FMN2: variants seen among roughly 807,000 people sequenced by gnomAD.
FMN2 encodes formin-2.
FMN2 carries 51 observed loss-of-function variants against 142.3 expected under a neutral mutation model. The observed-to-expected ratio is 0.36, with a 90% CI of 0.29 to 0.45. The LOEUF is 0.45. Ranked by LOEUF, FMN2 falls within the 20% of genes least tolerant of loss-of-function variation. FMN2 has a pLI of 1.00. For missense variants in FMN2, 1,936 were observed against 2,122.8 expected (o/e 0.91, Z 1.73); for synonymous variants, 882 against 869.8 (o/e 1.01, Z -0.25).
intron 1 of FMN2, among the ~76,000 whole-genome samples, chr1:240,095,280 A>C (rs1335576456): frequency 1.3e-5 from 2 of 152,170 alleles, no homozygotes; most frequent in Non-Finnish European, 2.9e-5. Flanking sequence ...TCAATCATTA[A>C]TATTAATGAT....
chr1:240,207,586 C>G lies in FMN2; in HGVS notation c.2774C>G (p.Pro925Arg), dbSNP rs756594203. The change falls in exon 5 of 18, where the codon CCT becomes CGT. Residue 925 changes from proline (P) to arginine (R), a missense_variant. Pro to Arg is a moderately radical substitution (Grantham distance 103). Around this residue, in one of 8 missense-constraint regions of FMN2, gnomAD observed 478 missense variants for 462.8 expected, o/e 1.03. Transcript: ENST00000319653. ...LPGAGIPPPP[P>R]LPGAGILPLP... ...GGAGCGGGCATACCTCCTCCGCCGC[C>G]TCTACCCGGAGCAGGCATACTCCCT... The G allele has an allele frequency of 5.7e-6, 9 of 1,592,634 alleles. No individual in the cohort carries two copies. Among genetic ancestry groups the G allele is most frequent in the Non-Finnish European group, 7.7e-6 (9 of 1,169,392 alleles).
chr1:240,423,977 G>T (rs1047075076), intron 15 of FMN2, among the ~76,000 whole-genome samples: 4 of 152,178 alleles, frequency 2.6e-5, no homozygotes, highest in African/African-American at 9.7e-5. Flanking sequence ...AAACAACTCA[G>T]ATCTGAATCG....
intron 15 of FMN2, among the ~76,000 whole-genome samples, chr1:240,401,733 G>C (rs1336695877): frequency 6.6e-6 from 1 of 152,220 alleles, no homozygotes; most frequent in African/African-American, 2.4e-5. Flanking sequence ...TGTACCAAAA[G>C]AGAAGTTTCC....
At chr1:240,355,703 T>G (rs1672241905) in intron 13 of FMN2, 113 bp from the exon 14 acceptor site, 1 of 640,252 alleles carries the variant, frequency 1.6e-6, no homozygotes, top group Non-Finnish European at 2.8e-6. Context: ...GCAGAACATA[T>G]GCTGATTAGG....
intron 3 of FMN2, among the ~76,000 whole-genome samples, chr1:240,185,404 A>G (rs1324327473): frequency 6.6e-6 from 1 of 152,188 alleles, no homozygotes; most frequent in African/African-American, 2.4e-5. Flanking sequence ...TCAACCTGCA[A>G]ATTTCTCTTC....
At chr1:240,336,239 A>G (rs1671551300) in intron 13 of FMN2, among the ~76,000 whole-genome samples, 1 of 152,138 alleles carries the variant, frequency 6.6e-6, no homozygotes, top group African/African-American at 2.4e-5. Context: ...TGCCACCTAC[A>G]AGTGCTAGGT....
chr1:240,257,855 T>A, intron 6 of FMN2, 90 bp from the exon 7 acceptor site: 1 of 1,058,542 alleles, frequency 9.4e-7, no homozygotes, highest in East Asian at 2.4e-5. Context: ...TTTCTCTGAA[T>A]TTGTTCTTCA....
intron 15 of FMN2, among the ~76,000 whole-genome samples, chr1:240,413,120 C>CTCAAAAAAAAAAA (rs1259612812): frequency 1.2e-4 from 3 of 24,582 alleles, no homozygotes; most frequent in African/African-American, 3.5e-4. Context: ...GAGACTCTGT[C>CTCAAAAAAAAAAA]AAAAAAAAAA....
At chr1:240,210,185 C>T (rs772620526) in intron 5 of FMN2, among the ~76,000 whole-genome samples, 6 of 152,090 alleles carry the variant, frequency 3.9e-5, no homozygotes, top group Non-Finnish European at 8.8e-5. Context: ...ATCTATAGCC[C>T]GTGTTGCCTA....
chr1:240,392,352 C>A (rs41269371), intron 14 of FMN2, among the ~76,000 whole-genome samples, 159 bp from the exon 15 acceptor site: 12,757 of 152,054 alleles, frequency 0.084, 618 homozygotes, highest in Middle Eastern at 0.11. Flanking sequence ...TCATTTAAAT[C>A]ATGTATCTAT....
At chr1:240,447,829 A>G (rs532670414) in intron 16 of FMN2, among the ~76,000 whole-genome samples, 1 of 152,314 alleles carries the variant, frequency 6.6e-6, no homozygotes, top group African/African-American at 2.4e-5. Flanking sequence ...ACTCAAAAAA[A>G]GTTGACGTTC....
chr1:240,438,535 G>A (rs1041231398), intron 16 of FMN2, among the ~76,000 whole-genome samples: 17 of 152,140 alleles, frequency 1.1e-4, no homozygotes, highest in African/African-American at 3.6e-4. Flanking sequence ...GCAGACCCAC[G>A]CACTTCAAAG....
At chr1:240,187,510 T>C (rs6429185) in intron 3 of FMN2, among the ~76,000 whole-genome samples, 96,608 of 151,834 alleles carry the variant, frequency 0.64, 31,551 homozygotes, top group African/African-American at 0.77. Flanking sequence ...TCATGGAGCA[T>C]GAGGAATTCC....
At chr1:240,245,343 C>CT in intron 6 of FMN2, 1 of 374,136 alleles carries the variant, frequency 2.7e-6, no homozygotes, top group South Asian at 2.0e-5. Flanking sequence ...GAATCCCAGT[C>CT]TACCCGTACT....
intron 3 of FMN2, among the ~76,000 whole-genome samples, chr1:240,180,627 C>T (rs113027680): frequency 0.031 from 4,397 of 142,114 alleles, 225 homozygotes; most frequent in African/African-American, 0.11. Context: ...AGTGTAATGG[C>T]GCCATCTCGG....
At position 240,187,269 on chromosome 1, in the gene FMN2, C is replaced by CAA. The variant is rs10610560; in HGVS notation, c.1931-917_1931-916dup. 3.8e-3 allele frequency among the ~76,000 whole-genome samples: 314 copies of CAA among 83,540 alleles called. 3 individuals carry two copies. Among genetic ancestry groups the CAA allele is most frequent in the East Asian group, 0.012 (31 of 2,614 alleles). The allele number at this position is 83,540 out of a possible 152,430, so 54.8% of individuals were successfully genotyped here. ...TGGGTGAAAGAGCGAAACTCCATCTCAAAAAAAAAAAAAAAAAAAAAAGAA... is the reference window on the plus strand; with the variant it reads ...TGGGTGAAAGAGCGAAACTCCATCTCAAAAAAAAAAAAAAAAAAAAAAAAGAA... On this transcript the variant is annotated intron_variant, in intron 3 of 17. Transcript: ENST00000319653.
At position 240,158,016 on chromosome 1, in the gene FMN2, A is replaced by C. The variant is rs574626514; in HGVS notation, c.1783-19905A>C. Among the ~76,000 whole-genome samples the C allele has an allele frequency of 4.9e-3, 733 of 150,942 alleles. 3 individuals carry two copies. Among genetic ancestry groups the C allele is most frequent in the Non-Finnish European group, 8.0e-3 (544 of 67,836 alleles). ...AAAAGTCAGCCAGGCACAGTGGTAC[A>C]CACCTATAGTCCCAGCTACTTGGAA... is the stretch of plus-strand genomic sequence containing the variant. On this transcript the variant is annotated intron_variant, in intron 2 of 17. Coordinates refer to ENST00000319653, the MANE Select transcript of FMN2 (RefSeq NM_020066.5).
At chr1:240,093,825 G>A (rs959820566) in intron 1 of FMN2, 101 bp downstream of exon 1, 3 of 782,444 alleles carry the variant, frequency 3.8e-6, no homozygotes, top group Non-Finnish European at 5.3e-6. Flanking sequence ...GCGGTGACCT[G>A]GTAGTGGCAC....
chr1:240,266,580 T>C (rs1003741270), intron 7 of FMN2, among the ~76,000 whole-genome samples: 5 of 152,274 alleles, frequency 3.3e-5, no homozygotes, highest in African/African-American at 1.2e-4. Context: ...CCGTGGTATA[T>C]ATGTACCATG....
Sources: allele counts gnomAD v4.1 joint callset (sites outside exome capture counted in the v4.1 genomes callset), GRCh38; gene constraint gnomAD v4.1.1; regional missense constraint gnomAD v4.1.1; transcripts MANE v1.5; gene names NCBI Gene and HGNC (gene_info 2026-07-23, HGNC 2026-07-21).